Variants in FAM120C observed in about 807,000 individuals in gnomAD.
The protein encoded by FAM120C is family with sequence similarity 120 member C.
FAM120C carries 14 observed loss-of-function variants against 71.2 expected under a neutral mutation model. The ratio of observed to expected loss-of-function variants is 0.20; its 90% CI spans 0.13 to 0.31. FAM120C has a LOEUF of 0.31. FAM120C is among the 10% of genes least tolerant of loss of function. FAM120C has a pLI of 1.00. For synonymous variants in FAM120C, 354 were observed against 353.2 expected, an observed-to-expected ratio of 1.00 and a Z score of -0.03; for missense variants, 500 against 879.0, an observed-to-expected ratio of 0.57 and a Z score of 5.45.
At chrX:54,149,570 C>T (rs1191560574) in intron 4 of FAM120C, among the ~76,000 whole-genome samples, 23 of 108,898 alleles carry the variant, frequency 2.1e-4, no homozygotes, top group Non-Finnish European at 4.2e-4. Flanking sequence ...GCCAGGGAGG[C>T]GGAGGTTGTA....
chrX:54,149,334 G>A (rs1373176439), intron 4 of FAM120C, among the ~76,000 whole-genome samples: 1 of 111,711 alleles, frequency 9.0e-6, no homozygotes, highest in Non-Finnish European at 1.9e-5. Context: ...TAAAGAAGCC[G>A]TTCTCAAAAT....
rs2066700594 is a variant in FAM120C at position 54,069,367 on chromosome X, G to T, written c.*3666C>A. On this transcript the variant is annotated 3_prime_UTR_variant, in exon 16 of 16. Transcript: ENST00000375180. ...ATATTTAGGAAATATGCACCAGGAA[G>T]TGAACAAGTATAATGATTAAACCTT... is the stretch of plus-strand genomic sequence containing the variant. The T allele has an allele frequency of 9.0e-6, 1 of 110,962 alleles. No individual in the cohort carries two copies. 9.1% of individuals were successfully genotyped at this position (110,962 alleles called of 1,213,427 possible).
At chrX:54,082,326 T>C (rs782674962) in intron 13 of FAM120C, among the ~76,000 whole-genome samples, 5 of 111,754 alleles carry the variant, frequency 4.5e-5, no homozygotes, top group African/African-American at 9.8e-5. Context: ...TCACAGATCA[T>C]AGCATATAGT....
chrX:54,169,217 G>C (rs1432829222), intron 1 of FAM120C, among the ~76,000 whole-genome samples: 1 of 111,137 alleles, frequency 9.0e-6, no homozygotes, highest in African/African-American at 3.3e-5. Context: ...AAGATCGCTT[G>C]AGCCCAGGAG....
At chrX:54,168,637 C>A (rs2067272240) in intron 1 of FAM120C, among the ~76,000 whole-genome samples, 1 of 112,288 alleles carries the variant, frequency 8.9e-6, no homozygotes, top group Admixed American at 9.5e-5. Flanking sequence ...ACATAGACCA[C>A]TCACACGGAG....
At chrX:54,116,080 T>A (rs2066966207) in intron 10 of FAM120C, among the ~76,000 whole-genome samples, 1 of 110,098 alleles carries the variant, frequency 9.1e-6, no homozygotes, top group Non-Finnish European at 1.9e-5. Context: ...AAACTCCATC[T>A]CAATAAAAAA....
Position 54,088,048 on chromosome X carries a change from T to C in FAM120C, c.2428-84A>G. On this transcript the variant is annotated intron_variant, in intron 11 of 15. Transcript: ENST00000375180. ...ACTCTTATTCCTGTCATGCTGATTC[T>C]TCCAGTTAAATTTGAACATGCTGTC... 2.8e-5 allele frequency: 23 copies of C among 834,614 alleles called. No homozygotes were observed. In the South Asian group the frequency reaches 5.7e-4, roughly 21 times the overall value. 68.8% of individuals were successfully genotyped at this position (834,614 alleles called of 1,213,427 possible). A position where few individuals can be genotyped will look rare whatever the true frequency, so the allele number is the denominator to read the frequency against.
In FAM120C at chrX:54,085,727, G is replaced by A. The variant is rs782534877; in HGVS notation, c.2827C>T (p.Arg943Trp). ...SMPLPPQGRS[R>W]GFAGLHPIPP... ...CTTTGGTACTGACCTGCAAATCCCC[G>A]GCTCCTCCCTTGAGGGGGAAGTGGC... is the stretch of plus-strand genomic sequence containing the variant. Residue 943 changes from arginine to tryptophan, a missense_variant, in exon 13 of 16, where the codon CGG becomes TGG. By Grantham distance (101) the Arg-to-Trp change is moderately radical. This residue lies in a region of FAM120C where 34 missense variants were observed against 45.2 expected (regional missense o/e 0.75). Coordinates refer to ENST00000375180, the MANE Select transcript of FAM120C (RefSeq NM_017848.6). The A allele has an allele frequency of 2.6e-5, 32 of 1,210,790 alleles. No individual in the cohort carries two copies. Among genetic ancestry groups the A allele is most frequent in the Non-Finnish European group, 3.6e-5 (32 of 895,059 alleles).
intron 10 of FAM120C, among the ~76,000 whole-genome samples, chrX:54,111,771 A>T (rs1378539928): frequency 8.9e-6 from 1 of 112,261 alleles, no homozygotes; most frequent in Non-Finnish European, 1.9e-5. Context: ...TTTCCACAGA[A>T]TTAGAAAAAA....
intron 13 of FAM120C, among the ~76,000 whole-genome samples, chrX:54,085,241 C>T (rs2066787835): frequency 8.9e-6 from 1 of 112,024 alleles, no homozygotes; most frequent in Admixed American, 9.6e-5. Context: ...GAAGAATGGT[C>T]TTAAAAGTCA....
chrX:54,102,833 C>T (rs1357446855), intron 10 of FAM120C, among the ~76,000 whole-genome samples: 2 of 100,983 alleles, frequency 2.0e-5, no homozygotes, highest in Admixed American at 1.1e-4. Context: ...GATTCTCCTG[C>T]CTCAGCCTCC....
chrX:54,174,885 C>A (rs1443903035), intron 1 of FAM120C, among the ~76,000 whole-genome samples: 1 of 112,060 alleles, frequency 8.9e-6, no homozygotes, highest in Non-Finnish European at 1.9e-5. Flanking sequence ...GATGAACGGG[C>A]AAGGGTTTTG....
At chrX:54,181,505 A>T (rs1168705802) in intron 1 of FAM120C, among the ~76,000 whole-genome samples, 2 of 112,104 alleles carry the variant, frequency 1.8e-5, no homozygotes, top group African/African-American at 6.5e-5. Flanking sequence ...GCTGTTCCCC[A>T]GGCCCCATAT....
chrX:54,139,209 AC>A (rs1331344523), intron 4 of FAM120C, among the ~76,000 whole-genome samples: 1 of 111,397 alleles, frequency 9.0e-6, no homozygotes, highest in Admixed American at 9.6e-5. Context: ...AAGTTATACT[AC>A]CATCATGAAT....
intron 4 of FAM120C, among the ~76,000 whole-genome samples, chrX:54,142,102 T>C (rs1328914658): frequency 5.4e-5 from 6 of 111,995 alleles, no homozygotes; most frequent in Non-Finnish European, 7.5e-5. Flanking sequence ...AAAATTTATA[T>C]GAAAAGGGAG....
At chrX:54,093,020 G>A (rs2066831962) in intron 10 of FAM120C, among the ~76,000 whole-genome samples, 2 of 111,984 alleles carry the variant, frequency 1.8e-5, no homozygotes, top group African/African-American at 6.5e-5. Context: ...CTTTTCAAGT[G>A]CCCATGTCAG....
At chrX:54,108,664 C>T (rs181510360) in intron 10 of FAM120C, among the ~76,000 whole-genome samples, 7 of 111,524 alleles carry the variant, frequency 6.3e-5, no homozygotes, top group African/African-American at 2.3e-4. Context: ...GGCGCGGTGG[C>T]TCACGCCTGT....
At chrX:54,164,967 G>A (rs782723069) in intron 1 of FAM120C, among the ~76,000 whole-genome samples, 1 of 111,185 alleles carries the variant, frequency 9.0e-6, no homozygotes, top group African/African-American at 3.3e-5. Flanking sequence ...TGAGTGTGAG[G>A]TAATATCTCA....
chrX:54,160,291 T>G (rs782201637), intron 1 of FAM120C, among the ~76,000 whole-genome samples: 1 of 111,626 alleles, frequency 9.0e-6, no homozygotes, highest in East Asian at 2.8e-4. Context: ...CTTTTTTTCT[T>G]AGTAGCACTG....
Sources: gnomAD v4.1 joint callset for allele counts (sites outside exome capture counted in the v4.1 genomes callset) on GRCh38, gnomAD v4.1.1 for gene constraint, gnomAD v4.1.1 regional missense constraint, MANE v1.5 for transcripts, NCBI Gene and HGNC (gene_info 2026-07-23, HGNC 2026-07-21) for gene names.